SRPK1: variants seen among roughly 807,000 people sequenced by gnomAD.
SRPK1 encodes SFRS protein kinase 1.
Under a neutral mutation model 89.5 loss-of-function variants are expected in SRPK1, and 52 were observed. The ratio of observed to expected loss-of-function variants is 0.58; its 90% CI spans 0.46 to 0.73. The LOEUF (loss-of-function observed/expected upper bound fraction) is 0.73, where lower values mean the gene tolerates loss of function less well. Ranked by LOEUF, SRPK1 falls within the 30% of genes least tolerant of loss-of-function variation. The pLI, the probability that SRPK1 is intolerant of heterozygous loss-of-function variation, is 0.00. For synonymous variants in SRPK1, 255 were observed against 270.2 expected (o/e 0.94, Z 0.55); for missense variants, 603 against 780.6 (o/e 0.77, Z 2.71).
chr6:35,872,782 GAAGT>G lies in SRPK1; in HGVS notation c.586-58_586-55del, dbSNP rs1443486890. ...AAACACAAAATACAGGCTTTCTGGA[GAAGT>G]AAGAGATTATAACATGACATTAAAA... On this transcript the variant is annotated intron_variant, in intron 7 of 15. Coordinates refer to ENST00000373825, the MANE Select transcript of SRPK1 (RefSeq NM_003137.5). The G allele has an allele frequency of 2.8e-6, 4 of 1,413,652 alleles. No homozygotes were observed. In the South Asian group the frequency reaches 4.5e-5, roughly 16 times the overall value. 87.6% of individuals were successfully genotyped at this position (1,413,652 alleles called of 1,614,324 possible). A position where few individuals can be genotyped will look rare whatever the true frequency, so the allele number is the denominator to read the frequency against.
intron 6 of SRPK1, among the ~76,000 whole-genome samples, chr6:35,883,380 ACT>A (rs1380570129): frequency 1.3e-5 from 2 of 152,118 alleles, no homozygotes; most frequent in Admixed American, 6.5e-5. Context: ...CAAGAACGAA[ACT>A]CTGTCTCAAA....
intron 2 of SRPK1, among the ~76,000 whole-genome samples, chr6:35,891,436 C>T (rs1358745512): frequency 6.6e-6 from 1 of 152,028 alleles, no homozygotes; most frequent in Non-Finnish European, 1.5e-5. Flanking sequence ...AACATGGAGG[C>T]CAGGCATGGA....
At chr6:35,838,794 G>A in intron 14 of SRPK1, 17 of 1,374,952 alleles carry the variant, frequency 1.2e-5, no homozygotes, top group Non-Finnish European at 1.7e-5. Flanking sequence ...TGTGCACAAT[G>A]TGGTCTAAAA....
chr6:35,887,915 T>C (rs1770443665), intron 5 of SRPK1, 109 bp downstream of exon 5: 1 of 744,756 alleles, frequency 1.3e-6, no homozygotes, highest in Admixed American at 3.7e-5. Flanking sequence ...ACTAGAACTT[T>C]ATAGAGAAAA....
At chr6:35,875,261 T>C (rs1253159797) in intron 6 of SRPK1, among the ~76,000 whole-genome samples, 1 of 151,816 alleles carries the variant, frequency 6.6e-6, no homozygotes. Context: ...CTTCTTTTTT[T>C]TTTTTTTTTT....
At chr6:35,870,175 T>TACC (rs753397776) in intron 10 of SRPK1, 106 bp downstream of exon 10, 552 of 986,298 alleles carry the variant, frequency 5.6e-4, no homozygotes, top group Non-Finnish European at 7.3e-4. Flanking sequence ...CTTATAAAGA[T>TACC]ACCCCCAGAG....
chr6:35,835,629 G>A (rs981194261), intron 15 of SRPK1, 141 bp from the exon 16 acceptor site: 3 of 674,628 alleles, frequency 4.4e-6, no homozygotes, highest in East Asian at 5.9e-5. Flanking sequence ...CATTCACAAA[G>A]CATTTCTTTT....
chr6:35,892,609 G>A (rs774487283), intron 2 of SRPK1, among the ~76,000 whole-genome samples: 46 of 151,852 alleles, frequency 3.0e-4, no homozygotes, highest in Admixed American at 1.4e-3. Flanking sequence ...CCGAAATCGC[G>A]TCGTTGCACT....
At chr6:35,870,791 T>C in intron 9 of SRPK1, 143 bp downstream of exon 9, 2 of 758,078 alleles carry the variant, frequency 2.6e-6, no homozygotes, top group Non-Finnish European at 4.2e-6. Context: ...GCATGGGAAT[T>C]TACTGGAGAA....
Position 35,869,694 on chromosome 6 carries a change from G to C in SRPK1, c.1199C>G (p.Ser400Cys), listed in dbSNP as rs761266237. 4 of 1,613,820 alleles carry C rather than the reference G, an allele frequency of 2.5e-6. No individual in the cohort carries two copies. The South Asian group carries it at 4.4e-5, about 18-fold the overall frequency. ...NLNQESSFLS[S>C]QNGDSSTSQE... ...AGATGTGCTGCTGTCTCCATTTTGG[G>C]AGCTTAGGAAACTAGATTCCTGATT... The change falls in exon 11 of 16, where the codon TCC (serine) becomes TGC (cysteine). Residue 400 changes from serine (S) to cysteine (C), a missense_variant. Physicochemically the swap from Ser to Cys is moderately radical, Grantham distance 112. Transcript: ENST00000373825.
At chr6:35,920,788 C>T (rs1207805330) in intron 1 of SRPK1, 5 of 427,004 alleles carry the variant, frequency 1.2e-5, no homozygotes, top group Non-Finnish European at 1.6e-5. Context: ...AAGGGCCGGG[C>T]CCTGGAGTGG....
chr6:35,920,722 G>A (rs1771217333), intron 1 of SRPK1, 194 bp from the exon 2 acceptor site: 1 of 245,236 alleles, frequency 4.1e-6, no homozygotes, highest in Non-Finnish European at 7.5e-6. Flanking sequence ...GGGATGCGCC[G>A]GAGGGGTCTC....
At chr6:35,857,750 G>C (rs2151084531) in intron 12 of SRPK1, among the ~76,000 whole-genome samples, 1 of 152,318 alleles carries the variant, frequency 6.6e-6, no homozygotes, top group African/African-American at 2.4e-5. Flanking sequence ...TTACAGGCGT[G>C]AGCTACCACA....
intron 2 of SRPK1, among the ~76,000 whole-genome samples, chr6:35,909,826 C>T (rs956728504): frequency 1.3e-5 from 2 of 152,160 alleles, no homozygotes; most frequent in African/African-American, 2.4e-5. Flanking sequence ...TTCCCCTTTG[C>T]CTTTCACCAT....
At position 35,880,746 on chromosome 6, in the gene SRPK1, A is replaced by AAGAAAGAAAG. The variant is rs1582014682; in HGVS notation, c.478+5977_478+5978insCTTTCTTTCT. On this transcript the variant is annotated intron_variant, in intron 6 of 15. Coordinates refer to ENST00000373825, the MANE Select transcript of SRPK1 (RefSeq NM_003137.5). ...AAAAAAAAAAAAAAGAAAAAAAAAA[A>AAGAAAGAAAG]AAAAGAAAAGAAAAGAAGAAGAAAT... Among the ~76,000 whole-genome samples, 310 of 89,130 alleles carry AAGAAAGAAAG rather than the reference A, an allele frequency of 3.5e-3. 20 individuals carry two copies. The highest frequency in any genetic ancestry group is 4.3e-3 in the Non-Finnish European group (192 of 44,574). The allele number at this position is 89,130 out of a possible 152,430, so 58.5% of individuals were successfully genotyped here.
intron 6 of SRPK1, among the ~76,000 whole-genome samples, chr6:35,878,487 A>G (rs1770205427): frequency 6.6e-6 from 1 of 152,198 alleles, no homozygotes; most frequent in Non-Finnish European, 1.5e-5. Context: ...AGGGCTCACA[A>G]CTTCCCGAAG....
At chr6:35,896,988 C>T (rs574400479) in intron 2 of SRPK1, among the ~76,000 whole-genome samples, 2 of 152,134 alleles carry the variant, frequency 1.3e-5, no homozygotes, top group Non-Finnish European at 2.9e-5. Flanking sequence ...ATTTTATTTA[C>T]ATGAAATGTC....
intron 2 of SRPK1, among the ~76,000 whole-genome samples, chr6:35,891,760 C>T (rs1346672756): frequency 6.6e-6 from 1 of 151,764 alleles, no homozygotes; most frequent in Non-Finnish European, 1.5e-5. Flanking sequence ...TAACATGCTT[C>T]CCTTAGAAGT....
chr6:35,898,064 G>A (rs1770659918), intron 2 of SRPK1, among the ~76,000 whole-genome samples: 1 of 152,106 alleles, frequency 6.6e-6, no homozygotes, highest in Non-Finnish European at 1.5e-5. Context: ...TCCATGCAAT[G>A]AACTTTTAAA....
Sources: allele counts gnomAD v4.1 joint callset (sites outside exome capture counted in the v4.1 genomes callset), GRCh38; gene constraint gnomAD v4.1.1; transcripts MANE v1.5; gene names NCBI Gene and HGNC (gene_info 2026-07-23, HGNC 2026-07-21).